The following FRAS1 variants were observed in gnomAD, a reference collection of about 807,000 sequenced individuals.
FRAS1 encodes the protein Fraser extracellular matrix complex subunit 1, also known as extracellular matrix organizing protein FRAS1.
A neutral mutation model predicts 435.2 loss-of-function variants in FRAS1; 290 were observed. That is an observed-to-expected ratio of 0.67 (90% CI 0.61 to 0.73). The LOEUF is 0.73. Ranked by LOEUF, FRAS1 falls within the 30% of genes least tolerant of loss-of-function variation. The pLI is 0.00. For missense variants in FRAS1, 4,860 were observed against 5,001.5 expected (o/e 0.97, Z 0.85); for synonymous variants, 1,800 against 1,851.0 (o/e 0.97, Z 0.71).
intron 2 of FRAS1, among the ~76,000 whole-genome samples, chr4:78,143,813 A>C (rs1052007793): frequency 2.0e-5 from 3 of 150,144 alleles, no homozygotes; most frequent in Non-Finnish European, 4.4e-5. Context: ...CTGAGGTGGG[A>C]GGATTGCTTG....
chr4:78,129,943 A>G (rs1719600451), intron 2 of FRAS1, among the ~76,000 whole-genome samples: 2 of 151,940 alleles, frequency 1.3e-5, no homozygotes, highest in Admixed American at 6.6e-5. Flanking sequence ...CCTGGCCCCA[A>G]TTTGAGGCTG....
intron 2 of FRAS1, among the ~76,000 whole-genome samples, chr4:78,103,935 CT>C (rs1742258531): frequency 6.6e-6 from 1 of 152,208 alleles, no homozygotes; most frequent in African/African-American, 2.4e-5. Flanking sequence ...TGGAACTAGG[CT>C]CTATGTCCAG....
intron 2 of FRAS1, among the ~76,000 whole-genome samples, chr4:78,149,446 C>T (rs1311879117): frequency 3.3e-5 from 5 of 152,200 alleles, no homozygotes; most frequent in Admixed American, 6.5e-5. Context: ...GACTGTCCCA[C>T]CAGCACCAGT....
intron 2 of FRAS1, among the ~76,000 whole-genome samples, chr4:78,214,613 A>G (rs1029871840): frequency 6.6e-6 from 1 of 152,210 alleles, no homozygotes; most frequent in Non-Finnish European, 1.5e-5. Flanking sequence ...ATTTATTGAG[A>G]TCTGCCTGTG....
chr4:78,432,521 C>A lies in FRAS1; in HGVS notation c.5134C>A (p.Arg1712=), dbSNP rs535527511. The A allele has an allele frequency of 6.2e-7, 1 of 1,612,806 alleles. No homozygotes were observed. Among genetic ancestry groups the A allele is most frequent in the Non-Finnish European group, 8.5e-7 (1 of 1,179,420 alleles). The change falls in exon 38 of 74, where the codon CGA becomes AGA. Residue 1712 remains arginine (R), a synonymous_variant. Transcript: ENST00000512123. ...GTCCCTGTCAGAAGACCGAGGGCCT[C>A]GACTGGCTGCTGGCTCCTCTCTGAG... ...EVSLSEDRGP[R]LAAGSSLSIT...
intron 2 of FRAS1, among the ~76,000 whole-genome samples, chr4:78,138,877 T>C (rs1455557616): frequency 6.6e-6 from 1 of 152,202 alleles, no homozygotes; most frequent in Non-Finnish European, 1.5e-5. Flanking sequence ...TTGATCTTCC[T>C]TAGTCTTAAA....
At chr4:78,428,011 C>T (rs1196911161) in intron 35 of FRAS1, among the ~76,000 whole-genome samples, 1 of 152,188 alleles carries the variant, frequency 6.6e-6, no homozygotes, top group Admixed American at 6.5e-5. Flanking sequence ...TTAAAGACCA[C>T]TACAGATAAA....
chr4:78,329,724 G>A (rs143490452), intron 18 of FRAS1, among the ~76,000 whole-genome samples: 3,649 of 152,302 alleles, frequency 0.024, 124 homozygotes, highest in African/African-American at 0.083. Context: ...ATGGGAAATG[G>A]TCAAAGGACA....
intron 2 of FRAS1, chr4:78,182,139 G>C: frequency 2.2e-6 from 2 of 889,774 alleles, no homozygotes; most frequent in Non-Finnish European, 3.4e-6. Flanking sequence ...AGATGGCCGG[G>C]CCAAGATGGA....
intron 15 of FRAS1, among the ~76,000 whole-genome samples, chr4:78,308,870 G>A (rs918604479): frequency 1.3e-5 from 2 of 152,228 alleles, no homozygotes; most frequent in Non-Finnish European, 2.9e-5. Flanking sequence ...AGTAGCACCT[G>A]TGGAAGACAC....
chr4:78,325,850 G>A (rs1458119489), intron 18 of FRAS1, among the ~76,000 whole-genome samples: 1 of 152,204 alleles, frequency 6.6e-6, no homozygotes, highest in African/African-American at 2.4e-5. Context: ...CTATGATTAA[G>A]CCTTTGAAGG....
intron 27 of FRAS1, 121 bp downstream of exon 27, chr4:78,380,117 A>G: frequency 9.1e-7 from 1 of 1,098,644 alleles, no homozygotes; most frequent in Non-Finnish European, 1.3e-6. Context: ...GAAGATCAAT[A>G]CTCCACAAGC....
At chr4:78,303,075 T>C (rs543887901) in intron 14 of FRAS1, among the ~76,000 whole-genome samples, 6 of 152,334 alleles carry the variant, frequency 3.9e-5, no homozygotes, top group African/African-American at 1.4e-4. Flanking sequence ...TTTCTACATA[T>C]GGCTAGCCAG....
At chr4:78,071,283 T>G (rs1308218704) in intron 2 of FRAS1, 1 of 152,180 alleles carries the variant, frequency 6.6e-6, no homozygotes, top group Non-Finnish European at 1.5e-5. Context: ...TTTCATTATC[T>G]ACTTAATTGG....
chr4:78,215,655 G>A (rs529555942), intron 2 of FRAS1, among the ~76,000 whole-genome samples: 5 of 152,108 alleles, frequency 3.3e-5, no homozygotes, highest in South Asian at 2.1e-4. Flanking sequence ...TTCTATTCTC[G>A]CTTTATGAAT....
intron 14 of FRAS1, among the ~76,000 whole-genome samples, chr4:78,293,571 G>A (rs17003106): frequency 0.026 from 3,938 of 152,184 alleles, 175 homozygotes; most frequent in African/African-American, 0.089. Flanking sequence ...TTAGAGTTGG[G>A]AATGTGACTT....
chr4:78,444,836 G>A (rs1000971097), intron 41 of FRAS1, among the ~76,000 whole-genome samples: 8 of 152,072 alleles, frequency 5.3e-5, no homozygotes, highest in Admixed American at 2.6e-4. Flanking sequence ...GTACCCAAGC[G>A]CCTCAGTGCC....
rs575456868 is a variant in FRAS1, at chr4:78,192,368, T to C, written c.109-45142T>C. Among the ~76,000 whole-genome samples the C allele has an allele frequency of 7.9e-5, 12 of 152,286 alleles. No individual in the cohort carries two copies. The South Asian group carries it at 2.3e-3, about 29-fold the overall frequency. ...TTCAGAAGGAATGGTACCAGCTCCT[T>C]CTTGTACCTCTGGTAGAATTCGGCT... is the stretch of plus-strand genomic sequence containing the variant. On this transcript the variant is annotated intron_variant, in intron 2 of 73. Transcript: ENST00000512123.
intron 2 of FRAS1, among the ~76,000 whole-genome samples, chr4:78,111,564 G>A (rs1156340407): frequency 1.1e-5 from 1 of 90,158 alleles, no homozygotes; most frequent in Non-Finnish European, 2.2e-5. Flanking sequence ...AGATCACATG[G>A]ACACAGGAAG....
Sources: gnomAD v4.1 joint callset for allele counts (sites outside exome capture counted in the v4.1 genomes callset) on GRCh38, gnomAD v4.1.1 for gene constraint, MANE v1.5 for transcripts, NCBI Gene and HGNC (gene_info 2026-07-23, HGNC 2026-07-21) for gene names.